Variants in RCAN2 observed in about 807,000 individuals in gnomAD.
RCAN2 encodes calcipressin-2.
In RCAN2, 9 loss-of-function variants were observed where a neutral mutation model predicts 23.6. The observed-to-expected ratio is 0.38, with a 90% CI of 0.23 to 0.67. The LOEUF is 0.67. RCAN2 is among the 30% of genes least tolerant of loss of function. The probability of loss-of-function intolerance (pLI) is 0.51; values close to 1 mark genes in which losing one functional copy is unlikely to be tolerated. For synonymous variants in RCAN2, 109 were observed against 115.7 expected, an observed-to-expected ratio of 0.94 and a Z score of 0.37; for missense variants, 273 against 302.3, an observed-to-expected ratio of 0.90 and a Z score of 0.72.
chr6:46,355,985 G>A (rs1157129478), intron 2 of RCAN2, among the ~76,000 whole-genome samples: 3 of 152,192 alleles, frequency 2.0e-5, no homozygotes, highest in South Asian at 2.1e-4. Context: ...TGCTGCCTCC[G>A]AAGGGCTTGC....
intron 2 of RCAN2, among the ~76,000 whole-genome samples, chr6:46,270,529 T>C (rs1767488827): frequency 6.6e-6 from 1 of 152,184 alleles, no homozygotes; most frequent in Non-Finnish European, 1.5e-5. Flanking sequence ...TGTGATTGGC[T>C]GTCTTCTCAG....
intron 2 of RCAN2, among the ~76,000 whole-genome samples, chr6:46,250,066 A>T (rs565075918): frequency 3.3e-5 from 5 of 152,358 alleles, no homozygotes; most frequent in Admixed American, 2.6e-4. Flanking sequence ...TTAAATGCTT[A>T]CTTTGTATGA....
At chr6:46,441,598 G>A (rs764615979) in intron 2 of RCAN2, among the ~76,000 whole-genome samples, 58 of 152,120 alleles carry the variant, frequency 3.8e-4, no homozygotes, top group Non-Finnish European at 6.6e-4. Context: ...TTTGAATATG[G>A]TTGATTAAAA....
At chr6:46,449,616 A>G (rs1767816084) in intron 2 of RCAN2, among the ~76,000 whole-genome samples, 1 of 151,896 alleles carries the variant, frequency 6.6e-6, no homozygotes, top group African/African-American at 2.4e-5. Context: ...TACTAACATA[A>G]AAACAGGCAT....
rs192115502 is a variant in RCAN2 at position 46,277,874 on chromosome 6, C to T, written c.226-28978G>A. Among the ~76,000 whole-genome samples the T allele has an allele frequency of 5.9e-5, 9 of 152,154 alleles. 1 individual carries two copies. The highest frequency in any genetic ancestry group is 6.8e-3 in the Middle Eastern group (2 of 294). On this transcript the variant is annotated intron_variant, in intron 2 of 4. Transcript: ENST00000371374. ...CTAAAAAGAGGGAAACTGCATTCTC[C>T]GAGACAAAGTACTAAAAGTAGCTGT...
intron 1 of RCAN2, among the ~76,000 whole-genome samples, chr6:46,487,071 C>T (rs1769012894): frequency 6.6e-6 from 1 of 152,176 alleles, no homozygotes; most frequent in South Asian, 2.1e-4. Flanking sequence ...GAAGACAAAG[C>T]ACATATCTGT....
chr6:46,396,579 T>A (rs922649005), intron 2 of RCAN2, among the ~76,000 whole-genome samples: 1 of 152,196 alleles, frequency 6.6e-6, no homozygotes. Flanking sequence ...GGGTTGAGAT[T>A]CAGCTGTGCC....
intron 2 of RCAN2, among the ~76,000 whole-genome samples, chr6:46,295,453 G>T (rs1478144426): frequency 1.3e-5 from 2 of 152,096 alleles, no homozygotes; most frequent in Non-Finnish European, 2.9e-5. Flanking sequence ...GAGAACAGAA[G>T]AACACCAGAA....
intron 2 of RCAN2, among the ~76,000 whole-genome samples, chr6:46,252,553 A>G (rs1035599802): frequency 2.0e-5 from 3 of 152,192 alleles, no homozygotes; most frequent in Non-Finnish European, 2.9e-5. Flanking sequence ...ATGTTTATTG[A>G]ACTAGAAATT....
intron 2 of RCAN2, among the ~76,000 whole-genome samples, chr6:46,448,103 T>C (rs1767766432): frequency 6.6e-6 from 1 of 151,418 alleles, no homozygotes; most frequent in African/African-American, 2.4e-5. Flanking sequence ...GCTAGCTTAA[T>C]AAAAAAATCT....
chr6:46,406,121 A>C (rs1766399333), intron 2 of RCAN2, among the ~76,000 whole-genome samples: 1 of 151,890 alleles, frequency 6.6e-6, no homozygotes. Context: ...CGCTGCGCGC[A>C]GCCCCGGTTC....
intron 2 of RCAN2, among the ~76,000 whole-genome samples, chr6:46,378,526 T>C (rs9395183): frequency 0.41 from 62,090 of 152,102 alleles, 15,622 homozygotes; most frequent in East Asian, 0.59. Context: ...GTAAATCCCA[T>C]ACATCTTGGG....
chr6:46,247,007 G>T, intron 3 of RCAN2, 88 bp from the exon 4 acceptor site: 2 of 1,169,670 alleles, frequency 1.7e-6, no homozygotes, highest in Non-Finnish European at 2.4e-6. Flanking sequence ...TTTAGTTTCA[G>T]CCTGCGACAA....
intron 2 of RCAN2, among the ~76,000 whole-genome samples, chr6:46,419,810 A>AT (rs1766823209): frequency 6.6e-6 from 1 of 152,180 alleles, no homozygotes; most frequent in African/African-American, 2.4e-5. Flanking sequence ...AAGAACATAA[A>AT]TAAGTCAAGC....
chr6:46,369,001 T>C (rs1765252883), intron 2 of RCAN2, among the ~76,000 whole-genome samples: 1 of 152,216 alleles, frequency 6.6e-6, no homozygotes, highest in South Asian at 2.1e-4. Flanking sequence ...ACACACATTA[T>C]ACAATTGTAC....
intron 4 of RCAN2, among the ~76,000 whole-genome samples, chr6:46,224,414 T>A (rs1765578357): frequency 6.6e-6 from 1 of 152,230 alleles, no homozygotes; most frequent in East Asian, 1.9e-4. Flanking sequence ...TTTTGTAGTC[T>A]AGCACAGAAG....
In RCAN2 at chr6:46,230,423, C is replaced by G. The variant is rs558742479; in HGVS notation, c.572-7122G>C. On this transcript the variant is annotated intron_variant, in intron 4 of 4. Transcript: ENST00000371374. ...CCTCCTTGAGCTGCAGTGGGCTCCA[C>G]CCAGTTTGAGCTTCCTGGCTGCTTT... Among the ~76,000 whole-genome samples, 10 of 152,346 alleles carry G rather than the reference C, an allele frequency of 6.6e-5. No homozygotes were observed. In the East Asian group the frequency reaches 1.9e-3, roughly 29 times the overall value.
rs1765464283 is a variant in RCAN2, at chr6:46,221,188, T to C, written c.*1953A>G. ...TGTCAGATGTGTCTTTTAAAAAACA[T>C]TTAAAAATCATTTTCAAATACTTTC... On this transcript the variant is annotated 3_prime_UTR_variant, in exon 5 of 5. Coordinates refer to ENST00000371374, the MANE Select transcript of RCAN2 (RefSeq NM_001251974.2). 1 of 152,362 alleles carries C rather than the reference T, an allele frequency of 6.6e-6. No individual in the cohort carries two copies. 9.4% of individuals were successfully genotyped at this position (152,362 alleles called of 1,614,324 possible).
At chr6:46,249,123 G>A (rs1206608832) in intron 2 of RCAN2, among the ~76,000 whole-genome samples, 1 of 151,580 alleles carries the variant, frequency 6.6e-6, no homozygotes, top group Non-Finnish European at 1.5e-5. Context: ...CCAGTGAATA[G>A]CATTCAAAGT....
Sources: gnomAD v4.1 joint callset for allele counts (sites outside exome capture counted in the v4.1 genomes callset) on GRCh38, gnomAD v4.1.1 for gene constraint, MANE v1.5 for transcripts, NCBI Gene and HGNC (gene_info 2026-07-23, HGNC 2026-07-21) for gene names.